The following DST variants were observed in gnomAD, a reference collection of about 807,000 sequenced individuals.
DST encodes the protein bullous pemphigoid antigen.
In DST, 253 loss-of-function variants were observed where a neutral mutation model predicts 875.2. That is an observed-to-expected ratio of 0.29 (90% CI 0.26 to 0.32). The LOEUF is 0.32. Ranked by LOEUF, DST falls within the 10% of genes least tolerant of loss-of-function variation. DST has a pLI of 1.00. For missense variants in DST, 8,287 were observed against 9,111.6 expected (o/e 0.91, Z 3.68); for synonymous variants, 3,124 against 3,197.1 (o/e 0.98, Z 0.77).
intron 53 of DST, among the ~76,000 whole-genome samples, chr6:56,571,341 C>T (rs2152607775): frequency 6.6e-6 from 1 of 152,290 alleles, no homozygotes; most frequent in Admixed American, 6.5e-5. Context: ...AACATTTCTT[C>T]TACGCAATGT....
chr6:56,692,884 G>A (rs1400028697), intron 9 of DST: 2 of 1,289,696 alleles, frequency 1.6e-6, no homozygotes, highest in Non-Finnish European at 2.0e-6. Context: ...TCCCAGTGCA[G>A]AGTTTAGGGT....
At position 56,493,056 on chromosome 6, in the gene DST, C is replaced by T; in HGVS notation, c.20428G>A (p.Glu6810Lys). 6.2e-7 allele frequency: 1 copy of T among 1,612,254 alleles called. No individual in the cohort carries two copies. Among genetic ancestry groups the T allele is most frequent in the Non-Finnish European group, 8.5e-7 (1 of 1,179,116 alleles). The stretch of plus-strand genomic sequence containing the variant: ...AAGTCTTGGAGAGAATTGTGGAACT[C>T]CATTGCCAAGTTGAGAGCCTCTTCC... ...KLEEALNLAM[E>K]FHNSLQDFIN... Residue 6810 changes from glutamate to lysine, a missense_variant, in exon 84 of 104, where the codon GAG becomes AAG. Glu to Lys is a moderately conservative substitution (Grantham distance 56). Around this residue, in one of 10 missense-constraint regions of DST, gnomAD observed 1,292 missense variants for 1,552.7 expected, o/e 0.83. Coordinates refer to ENST00000680361, the MANE Select transcript of DST (RefSeq NM_001374736.1).
At position 56,557,462 on chromosome 6, in the gene DST, C is replaced by T. The variant is rs373704395; in HGVS notation, c.14497G>A (p.Glu4833Lys). 2 of 1,613,566 alleles carry T rather than the reference C, an allele frequency of 1.2e-6. No homozygotes were observed. The highest frequency in any genetic ancestry group is 8.5e-7 in the Non-Finnish European group (1 of 1,179,650). ...LTIDRQQKLE[E>K]SSNNLTQFQT... ...AACTGGGTTAGATTATTGGAGGATT[C>T]TTCCAGTTTTTGTTGTCTATCAATT... The change falls in exon 59 of 104, where the codon GAA becomes AAA. Residue 4833 changes from glutamate (E) to lysine (K), a missense_variant. Transcript: ENST00000680361.
intron 29 of DST, 139 bp from the exon 30 acceptor site, chr6:56,631,528 A>G: frequency 1.4e-6 from 1 of 732,852 alleles, no homozygotes; most frequent in Non-Finnish European, 2.3e-6. Flanking sequence ...GTTATCAAAG[A>G]AACTACATCA....
intron 4 of DST, chr6:56,843,340 C>A (rs962229417): frequency 9.7e-5 from 117 of 1,209,182 alleles, no homozygotes; most frequent in Non-Finnish European, 1.2e-4. Flanking sequence ...GCAAAGGAAA[C>A]GCCCAGGCCT....
At chr6:56,796,996 A>G (rs2099740634) in intron 4 of DST, among the ~76,000 whole-genome samples, 1 of 152,184 alleles carries the variant, frequency 6.6e-6, no homozygotes, top group African/African-American at 2.4e-5. Flanking sequence ...CAGATATTGC[A>G]TTTTACATAC....
chr6:56,779,849 A>G (rs1423964023), intron 4 of DST, among the ~76,000 whole-genome samples: 6 of 146,956 alleles, frequency 4.1e-5, no homozygotes, highest in African/African-American at 1.5e-4. Context: ...AGCATTAGGT[A>G]TATCTCCTAA....
At chr6:56,470,319 T>G (rs1171487687) in intron 95 of DST, 37 bp from the exon 96 acceptor site, 53 of 1,519,366 alleles carry the variant, frequency 3.5e-5, no homozygotes, top group Non-Finnish European at 7.1e-6. Flanking sequence ...AGTGACTTGT[T>G]AGTTCTTTCT....
chr6:56,920,521 A>G (rs922553659), intron 2 of DST, among the ~76,000 whole-genome samples: 2 of 152,228 alleles, frequency 1.3e-5, no homozygotes, highest in African/African-American at 4.8e-5. Flanking sequence ...AGAAATTCAT[A>G]GTCTCTACTA....
At chr6:56,818,667 A>G (rs186678657) in intron 4 of DST, among the ~76,000 whole-genome samples, 5 of 152,314 alleles carry the variant, frequency 3.3e-5, no homozygotes, top group Admixed American at 3.3e-4. Context: ...TGATCAACAT[A>G]AAATTCAGAG....
At chr6:56,703,816 A>G in intron 6 of DST, 70 bp from the exon 7 acceptor site, 1 of 455,852 alleles carries the variant, frequency 2.2e-6, no homozygotes, top group Non-Finnish European at 2.9e-6. Flanking sequence ...AAAGAAGAGC[A>G]TGAACAGAAC....
At chr6:56,568,654 A>G (rs2097722871) in intron 54 of DST, 59 bp from the exon 55 acceptor site, 1 of 1,402,238 alleles carries the variant, frequency 7.1e-7, no homozygotes, top group Admixed American at 2.3e-5. Context: ...TGCACATTAT[A>G]ATTCAGTTTC....
intron 4 of DST, among the ~76,000 whole-genome samples, chr6:56,823,331 T>A (rs1405234227): frequency 6.6e-6 from 1 of 152,240 alleles, no homozygotes; most frequent in Non-Finnish European, 1.5e-5. Context: ...TAGAATTTTG[T>A]CCTTCACTAT....
At position 56,607,298 on chromosome 6, in the gene DST, A is replaced by G. The variant is rs537976334; in HGVS notation, c.7330T>C (p.Leu2444=). The G allele has an allele frequency of 3.7e-6, 6 of 1,613,482 alleles. No individual in the cohort carries two copies. The South Asian group carries it at 5.5e-5, about 15-fold the overall frequency. Residue 2444 remains leucine (L), a synonymous_variant, in exon 40 of 104, where the codon TTG becomes CTG. Transcript: ENST00000680361. ...TTAAAACTTCCCTGACTGTGCATCAATTTATCATGACTTAACAAGGCACTT... is the reference window on the plus strand; with the variant it reads ...TTAAAACTTCCCTGACTGTGCATCAGTTTATCATGACTTAACAAGGCACTT... ...RLSALLSHDK[L]MHSQGSFNDT... is the part of the protein sequence containing the mutation.
chr6:56,857,667 T>C (rs960208229), intron 3 of DST, among the ~76,000 whole-genome samples: 1 of 152,214 alleles, frequency 6.6e-6, no homozygotes, highest in East Asian at 1.9e-4. Flanking sequence ...GAAAATTTTT[T>C]CTCCAAAATT....
chr6:56,601,519 A>G lies in DST; in HGVS notation c.11465T>C (p.Val3822Ala). ...LNTTQKCFLD[V>A]QESVTTQVER... ...CACCTGGGTAGTTACTGACTCCTGT[A>G]CATCAAGAAAACACTTCTGAGTTGT... Residue 3822 changes from valine to alanine, a missense_variant, in exon 44 of 104, where the codon GTA becomes GCA. Transcript: ENST00000680361. 1.9e-6 allele frequency: 3 copies of G among 1,606,440 alleles called. No homozygotes were observed. Among genetic ancestry groups the G allele is most frequent in the Non-Finnish European group, 2.5e-6 (3 of 1,176,652 alleles).
intron 4 of DST, among the ~76,000 whole-genome samples, chr6:56,821,043 T>C (rs2099772483): frequency 6.6e-6 from 1 of 152,194 alleles, no homozygotes; most frequent in African/African-American, 2.4e-5. Context: ...TGCTTCAATA[T>C]GGAGGCCACC....
chr6:56,756,114 G>T (rs2099602283), intron 4 of DST, among the ~76,000 whole-genome samples: 1 of 152,194 alleles, frequency 6.6e-6, no homozygotes, highest in South Asian at 2.1e-4. Flanking sequence ...AGAGGAGGAG[G>T]TGCATTCAGT....
chr6:56,557,224 C>T lies in DST; in HGVS notation c.14640+95G>A. ...TACTTCAAAGCAGTTAAATAAAACA[C>T]CTACTGACCAAAGTTAATATATTTA... On this transcript the variant is annotated intron_variant, in intron 59 of 103. Coordinates refer to ENST00000680361, the MANE Select transcript of DST (RefSeq NM_001374736.1). 3 of 1,175,370 alleles carry T rather than the reference C, an allele frequency of 2.6e-6. No homozygotes were observed. In the Admixed American group the frequency reaches 6.8e-5, roughly 27 times the overall value. 72.8% of individuals were successfully genotyped at this position (1,175,370 alleles called of 1,614,324 possible). A position where few individuals can be genotyped will look rare whatever the true frequency, so the allele number is the denominator to read the frequency against.
Sources: gnomAD v4.1 joint callset for allele counts (sites outside exome capture counted in the v4.1 genomes callset) on GRCh38, gnomAD v4.1.1 for gene constraint, gnomAD v4.1.1 regional missense constraint, MANE v1.5 for transcripts, NCBI Gene and HGNC (gene_info 2026-07-23, HGNC 2026-07-21) for gene names.